FUT9: variants seen among roughly 807,000 people sequenced by gnomAD.
FUT9 encodes fucosyltransferase 9.
In FUT9, 15 loss-of-function variants were observed where a neutral mutation model predicts 29.7. The observed-to-expected ratio is 0.51, with a 90% CI of 0.34 to 0.78. FUT9 has a LOEUF of 0.78. FUT9 is among the 30% of genes least tolerant of loss of function. The pLI is 0.01. For missense variants in FUT9, 319 were observed against 425.4 expected, an observed-to-expected ratio of 0.75 and a Z score of 2.20; for synonymous variants, 169 against 153.7, an observed-to-expected ratio of 1.10 and a Z score of -0.74.
chr6:96,075,616 G>A (rs9485669), intron 1 of FUT9, among the ~76,000 whole-genome samples: 3 of 151,844 alleles, frequency 2.0e-5, no homozygotes, highest in East Asian at 1.9e-4. Flanking sequence ...AAAATTATAC[G>A]GACTTGGATC....
intron 1 of FUT9, among the ~76,000 whole-genome samples, chr6:96,046,053 T>C (rs7768551): frequency 0.61 from 92,661 of 151,458 alleles, 28,620 homozygotes; most frequent in African/African-American, 0.71. Flanking sequence ...TTTCTTTGTA[T>C]GTATATATGT....
At chr6:96,184,422 TTTTG>T (rs2127986843) in intron 2 of FUT9, among the ~76,000 whole-genome samples, 1 of 152,168 alleles carries the variant, frequency 6.6e-6, no homozygotes, top group South Asian at 2.1e-4. Context: ...TCTTTTGTTT[TTTTG>T]TTTGTTTGTC....
chr6:96,043,464 T>C (rs998631859), intron 1 of FUT9, among the ~76,000 whole-genome samples: 2 of 152,218 alleles, frequency 1.3e-5, no homozygotes, highest in Non-Finnish European at 2.9e-5. Flanking sequence ...GTTTGGTTGG[T>C]TGGTTGTGTT....
At position 96,211,597 on chromosome 6, in the gene FUT9, T is replaced by C. The variant is rs1582314431; in HGVS notation, c.*7362T>C. ...ATAAACAGGAGTATTTATCTAGTGG[T>C]TCAGAAATAAAATAATTGTTAGCCA... On this transcript the variant is annotated 3_prime_UTR_variant, in exon 3 of 3. Transcript: ENST00000302103. The C allele has an allele frequency of 6.1e-6, 1 of 162,904 alleles. No individual in the cohort carries two copies. The highest frequency in any genetic ancestry group is 2.1e-4 in the South Asian group (1 of 4,688). The allele number at this position is 162,904 out of a possible 1,614,324, so 10.1% of individuals were successfully genotyped here.
chr6:96,190,363 G>C (rs937845784), intron 2 of FUT9, among the ~76,000 whole-genome samples: 1 of 151,960 alleles, frequency 6.6e-6, no homozygotes, highest in Non-Finnish European at 1.5e-5. Context: ...TTCAACTTTG[G>C]TGAATCTGAT....
intron 2 of FUT9, among the ~76,000 whole-genome samples, chr6:96,180,700 T>G (rs1480671660): frequency 2.6e-5 from 4 of 152,078 alleles, no homozygotes; most frequent in Non-Finnish European, 5.9e-5. Flanking sequence ...CTTCTACATA[T>G]GAATGAGAAC....
At chr6:96,100,801 A>G (rs1359022543) in intron 1 of FUT9, among the ~76,000 whole-genome samples, 1 of 152,206 alleles carries the variant, frequency 6.6e-6, no homozygotes, top group Non-Finnish European at 1.5e-5. Context: ...ATGTTTTAGA[A>G]AGTTATCATT....
At chr6:96,048,702 A>G (rs1189999204) in intron 1 of FUT9, among the ~76,000 whole-genome samples, 6 of 152,190 alleles carry the variant, frequency 3.9e-5, no homozygotes, top group Non-Finnish European at 8.8e-5. Flanking sequence ...TCGGCAGTGG[A>G]TGCTTTGATT....
At chr6:96,128,941 A>G (rs1028283305) in intron 2 of FUT9, among the ~76,000 whole-genome samples, 1 of 152,058 alleles carries the variant, frequency 6.6e-6, no homozygotes, top group Non-Finnish European at 1.5e-5. Flanking sequence ...CCTGCGCAAC[A>G]TGGTGAAACA....
chr6:96,061,012 A>G (rs1041276071), intron 1 of FUT9, among the ~76,000 whole-genome samples: 13 of 152,190 alleles, frequency 8.5e-5, no homozygotes, highest in African/African-American at 2.9e-4. Flanking sequence ...GGCCAAATAC[A>G]TAAGCCTGTT....
Position 96,056,856 on chromosome 6 carries a change from G to A in FUT9, c.-98+40644G>A, listed in dbSNP as rs1401357757. Among the ~76,000 whole-genome samples the A allele has an allele frequency of 5.9e-5, 9 of 152,090 alleles. No homozygotes were observed. In the East Asian group the frequency reaches 1.7e-3, roughly 29 times the overall value. ...TACAATATACACTCTCTGACTTAAC[G>A]ATGGTCTGACTTGGGATTTTTAAAT... On this transcript the variant is annotated intron_variant, in intron 1 of 2. Transcript: ENST00000302103.
chr6:96,159,160 C>T (rs186189686), intron 2 of FUT9, among the ~76,000 whole-genome samples: 5 of 152,166 alleles, frequency 3.3e-5, no homozygotes, highest in East Asian at 1.9e-4. Flanking sequence ...CTACAGAAAT[C>T]GTATTTTTAC....
chr6:96,076,991 G>A lies in FUT9; in HGVS notation c.-97-37048G>A, dbSNP rs561765117. On this transcript the variant is annotated intron_variant, in intron 1 of 2. Transcript: ENST00000302103. The stretch of plus-strand genomic sequence containing the variant: ...TTTTATCAGAGCAATATGCTCAAAA[G>A]CATAAAACCATTATATAATACAAAA... 6.6e-5 allele frequency among the ~76,000 whole-genome samples: 10 copies of A among 152,130 alleles called. No individual in the cohort carries two copies. The South Asian group carries it at 2.1e-3, about 32-fold the overall frequency.
intron 1 of FUT9, among the ~76,000 whole-genome samples, chr6:96,095,893 A>G (rs1771486589): frequency 6.6e-6 from 1 of 152,118 alleles, no homozygotes; most frequent in Admixed American, 6.6e-5. Flanking sequence ...AAAAATAGGG[A>G]TTATAGCAGT....
chr6:96,107,732 G>A (rs551794263), intron 1 of FUT9, among the ~76,000 whole-genome samples: 2 of 152,138 alleles, frequency 1.3e-5, no homozygotes, highest in South Asian at 2.1e-4. Flanking sequence ...TAATTCTGTC[G>A]CCTCCAGCAA....
At chr6:96,064,241 T>C (rs999927745) in intron 1 of FUT9, among the ~76,000 whole-genome samples, 1 of 152,188 alleles carries the variant, frequency 6.6e-6, no homozygotes, top group African/African-American at 2.4e-5. Flanking sequence ...ATTCAACCAA[T>C]AGTCTCATAT....
At chr6:96,093,889 T>C (rs1771453822) in intron 1 of FUT9, among the ~76,000 whole-genome samples, 1 of 152,116 alleles carries the variant, frequency 6.6e-6, no homozygotes, top group African/African-American at 2.4e-5. Flanking sequence ...CCCCAGGTTA[T>C]ACAGCAGCAG....
At chr6:96,064,889 A>C (rs1372916946) in intron 1 of FUT9, among the ~76,000 whole-genome samples, 2 of 152,222 alleles carry the variant, frequency 1.3e-5, no homozygotes, top group South Asian at 2.1e-4. Context: ...AAAGCAATGA[A>C]GAATTATTTT....
chr6:96,193,763 T>C (rs934976300), intron 2 of FUT9, among the ~76,000 whole-genome samples: 1 of 152,176 alleles, frequency 6.6e-6, no homozygotes, highest in Admixed American at 6.6e-5. Flanking sequence ...TGTATGTTTA[T>C]TGTGGCACTA....
Sources: allele counts gnomAD v4.1 joint callset (sites outside exome capture counted in the v4.1 genomes callset), GRCh38; gene constraint gnomAD v4.1.1; transcripts MANE v1.5; gene names NCBI Gene and HGNC (gene_info 2026-07-23, HGNC 2026-07-21).